Variants in PUS10 observed in about 807,000 individuals in gnomAD.
The protein encoded by PUS10 is pseudouridine synthase 10, also known as tRNA pseudouridine synthase Pus10.
Under a neutral mutation model 75.0 loss-of-function variants are expected in PUS10, and 59 were observed. That is an observed-to-expected ratio of 0.79 (90% CI 0.64 to 0.98). The LOEUF is 0.98. Ranked by LOEUF, PUS10 falls within the 50% of genes least tolerant of loss-of-function variation. The pLI is 0.00. For missense variants in PUS10, 650 were observed against 614.4 expected (o/e 1.06, Z -0.61); for synonymous variants, 219 against 211.6 (o/e 1.03, Z -0.30).
At chr2:60,947,942 G>T (rs532931980) in intron 16 of PUS10, 101 bp downstream of exon 16, 22 of 1,216,306 alleles carry the variant, frequency 1.8e-5, no homozygotes, top group Non-Finnish European at 2.5e-5. Context: ...ATCCTTTCCC[G>T]AATCCCTCCC....
intron 4 of PUS10, among the ~76,000 whole-genome samples, chr2:61,005,248 C>T (rs778104464): frequency 6.6e-6 from 1 of 152,042 alleles, no homozygotes; most frequent in Non-Finnish European, 1.5e-5. Flanking sequence ...GCAACAAGAA[C>T]GAAACTCCGT....
At position 60,960,394 on chromosome 2, in the gene PUS10, T is replaced by C; in HGVS notation, c.998A>G (p.Glu333Gly). 1.3e-6 allele frequency: 2 copies of C among 1,525,576 alleles called. No individual in the cohort carries two copies. Among genetic ancestry groups the C allele is most frequent in the Non-Finnish European group, 1.7e-6 (2 of 1,145,558 alleles). 94.5% of individuals were successfully genotyped at this position (1,525,576 alleles called of 1,614,324 possible). The part of the protein sequence containing the change: ...SDHLLAVFKA[E>G]SFNFSSSGRE... The stretch of plus-strand genomic sequence containing the variant: ...AGTATGAAGATCGTAACACTTACTC[T>C]CTGCTTTAAATACTGCCAACAGATG... The change falls in exon 11 of 18, where the codon GAG (glutamate) becomes GGG (glycine). Residue 333 changes from glutamate (E) to glycine (G), a missense_variant and splice_region_variant. Coordinates refer to ENST00000316752, the MANE Select transcript of PUS10 (RefSeq NM_144709.4).
At chr2:60,963,737 A>T (rs1031767489) in intron 8 of PUS10, among the ~76,000 whole-genome samples, 5 of 152,230 alleles carry the variant, frequency 3.3e-5, no homozygotes, top group Non-Finnish European at 7.3e-5. Context: ...TTGATAAGAT[A>T]TGAAATCTTA....
At position 60,960,476 on chromosome 2, in the gene PUS10, A is replaced by C; in HGVS notation, c.916T>G (p.Trp306Gly). ...AGCTTCCTTTCTCCATCAATTATCCAAGGAGTTTGTGGTAGATTCCTGGAG... is the reference window on the plus strand; with the variant it reads ...AGCTTCCTTTCTCCATCAATTATCCCAGGAGTTTGTGGTAGATTCCTGGAG... ...KYSRNLPQTP[W>G]IIDGERKLES... The change falls in exon 11 of 18, where the codon TGG (tryptophan) becomes GGG (glycine). Residue 306 changes from tryptophan to glycine, a missense_variant. Coordinates refer to ENST00000316752, the MANE Select transcript of PUS10 (RefSeq NM_144709.4). 6.4e-7 allele frequency: 1 copy of C among 1,573,458 alleles called. No homozygotes were observed. Among genetic ancestry groups the C allele is most frequent in the Non-Finnish European group, 8.6e-7 (1 of 1,165,058 alleles).
At chr2:61,004,628 CAAAAAAAAAAAA>C (rs70959883) in intron 4 of PUS10, among the ~76,000 whole-genome samples, 2 of 67,284 alleles carry the variant, frequency 3.0e-5, no homozygotes, top group Admixed American at 3.8e-4. Flanking sequence ...GACTCCGTCT[CAAAAAAAAAAAA>C]AAAAAAAAAA....
chr2:61,009,029 G>C lies in PUS10; in HGVS notation c.127-14C>G. On this transcript the variant is annotated splice_polypyrimidine_tract_variant and intron_variant, in intron 2 of 17. Transcript: ENST00000316752. The stretch of plus-strand genomic sequence containing the variant: ...ATTGAGCAACTCCTGGAAAGTTAAT[G>C]AAAGAAAAAGTAATGACCCACTGAC... 1 of 1,598,958 alleles carries C rather than the reference G, an allele frequency of 6.3e-7. No individual in the cohort carries two copies. Among genetic ancestry groups the C allele is most frequent in the Non-Finnish European group, 8.5e-7 (1 of 1,174,526 alleles).
At chr2:60,997,154 AAC>A (rs991272096) in intron 4 of PUS10, among the ~76,000 whole-genome samples, 16 of 152,174 alleles carry the variant, frequency 1.1e-4, no homozygotes, top group African/African-American at 3.9e-4. Context: ...TTGCTGCATG[AAC>A]ACACTCATTT....
Position 61,018,064 on chromosome 2 carries a change from C to T in PUS10, c.-72G>A, listed in dbSNP as rs1020818728. On this transcript the variant is annotated 5_prime_UTR_variant, in exon 1 of 18. Transcript: ENST00000316752. Reference sequence around the variant, plus strand: ...CTGACCCGGCAGCTCTAATCAGCAACGTTTTTTTCGGGAGCTCCTGGGCGT... The same window carrying T: ...CTGACCCGGCAGCTCTAATCAGCAATGTTTTTTTCGGGAGCTCCTGGGCGT... 2.7e-6 allele frequency: 4 copies of T among 1,497,270 alleles called. No homozygotes were observed. In the African/African-American group the frequency reaches 4.2e-5, roughly 16 times the overall value. The allele number at this position is 1,497,270 out of a possible 1,614,324, so 92.7% of individuals were successfully genotyped here.
At chr2:61,012,887 T>TATATATATATATACAC (rs67357917) in intron 1 of PUS10, among the ~76,000 whole-genome samples, 7 of 88,888 alleles carry the variant, frequency 7.9e-5, no homozygotes, top group Admixed American at 1.4e-4. Context: ...TATATATATA[T>TATATATATATATACAC]ACACACACAC....
chr2:61,012,020 C>G, intron 1 of PUS10, 115 bp from the exon 2 acceptor site: 1 of 664,780 alleles, frequency 1.5e-6, no homozygotes, highest in Non-Finnish European at 2.3e-6. Flanking sequence ...ATTGTGTACT[C>G]TCTAACCAAG....
In PUS10 at chr2:61,011,750, AAG is replaced by A; in HGVS notation, c.126+13_126+14del. The A allele has an allele frequency of 6.6e-7, 1 of 1,504,502 alleles. No individual in the cohort carries two copies. Among genetic ancestry groups the A allele is most frequent in the Non-Finnish European group, 8.8e-7 (1 of 1,132,620 alleles). 93.2% of individuals were successfully genotyped at this position (1,504,502 alleles called of 1,614,324 possible). On this transcript the variant is annotated intron_variant, in intron 2 of 17. Transcript: ENST00000316752. ...TCTCTTAATTTGAAAAAAAAAAAAA[AAG>A]AAAAGAAAATACCTTGTATGGAAGT... is the stretch of plus-strand genomic sequence containing the variant.
At chr2:60,989,200 G>A (rs1210229057) in intron 4 of PUS10, among the ~76,000 whole-genome samples, 1 of 152,054 alleles carries the variant, frequency 6.6e-6, no homozygotes, top group Non-Finnish European at 1.5e-5. Flanking sequence ...GCAGCACCAA[G>A]GAATTCTGGA....
intron 15 of PUS10, among the ~76,000 whole-genome samples, chr2:60,950,714 C>T (rs1396909051): frequency 2.0e-5 from 3 of 152,072 alleles, no homozygotes; most frequent in Admixed American, 6.5e-5. Context: ...CCACCATGCC[C>T]GGCCTGATTT....
intron 4 of PUS10, among the ~76,000 whole-genome samples, chr2:61,006,154 A>G (rs2564118): frequency 0.63 from 95,590 of 152,028 alleles, 31,897 homozygotes; most frequent in African/African-American, 0.86. Context: ...TTTTACTCCA[A>G]AGGGAAGAAG....
chr2:61,007,488 G>T (rs1442922288), intron 3 of PUS10, among the ~76,000 whole-genome samples: 5 of 151,520 alleles, frequency 3.3e-5, no homozygotes, highest in African/African-American at 4.9e-5. Context: ...AAACCAGAAG[G>T]TCGGGCGTGG....
chr2:60,954,868 G>A (rs1423413343), intron 12 of PUS10, 150 bp downstream of exon 12: 3 of 473,170 alleles, frequency 6.3e-6, no homozygotes, highest in African/African-American at 6.0e-5. Context: ...TCATAAAGGG[G>A]CCTCCATAAT....
intron 3 of PUS10, among the ~76,000 whole-genome samples, chr2:61,007,837 G>A (rs950125020): frequency 1.3e-5 from 2 of 150,934 alleles, no homozygotes; most frequent in East Asian, 2.0e-4. Context: ...TGTAATCCCA[G>A]CACTTTGGGC....
intron 1 of PUS10, among the ~76,000 whole-genome samples, chr2:61,016,907 C>T (rs1355884342): frequency 6.6e-6 from 1 of 152,154 alleles, no homozygotes. Context: ...GGTGATCACA[C>T]TTCACTGGGC....
intron 17 of PUS10, among the ~76,000 whole-genome samples, chr2:60,942,823 G>A (rs902129874): frequency 1.3e-5 from 2 of 152,060 alleles, no homozygotes; most frequent in Non-Finnish European, 2.9e-5. Context: ...TCAAAGTCAA[G>A]AGTTCAAGAC....
Sources: allele counts gnomAD v4.1 joint callset (sites outside exome capture counted in the v4.1 genomes callset), GRCh38; gene constraint gnomAD v4.1.1; transcripts MANE v1.5; gene names NCBI Gene and HGNC (gene_info 2026-07-23, HGNC 2026-07-21).